KIF13A: variants seen among roughly 807,000 people sequenced by gnomAD.
KIF13A encodes the protein kinesin family member 13A.
In KIF13A, 79 loss-of-function variants were observed where a neutral mutation model predicts 212.2. The ratio of observed to expected loss-of-function variants is 0.37; its 90% CI spans 0.31 to 0.45. KIF13A has a LOEUF of 0.45. Among genes scored for constraint, KIF13A ranks in the 20% least tolerant of loss-of-function variants. The pLI is 1.00. For synonymous variants in KIF13A, 789 were observed against 808.6 expected, an observed-to-expected ratio of 0.98 and a Z score of 0.41; for missense variants, 1,901 against 2,209.0, an observed-to-expected ratio of 0.86 and a Z score of 2.79.
intron 7 of KIF13A, among the ~76,000 whole-genome samples, chr6:17,851,506 T>C (rs965205250): frequency 6.6e-6 from 1 of 151,614 alleles, no homozygotes; most frequent in African/African-American, 2.4e-5. Context: ...AGTCAAAGAG[T>C]AAATAAAGTA....
intron 2 of KIF13A, among the ~76,000 whole-genome samples, chr6:17,950,184 C>T (rs1293222363): frequency 6.6e-6 from 1 of 151,806 alleles, no homozygotes; most frequent in Non-Finnish European, 1.5e-5. Flanking sequence ...ATGTAAATTA[C>T]ATCTGGCAGA....
Position 17,771,005 on chromosome 6 carries a change from A to G in KIF13A, c.4581+109T>C. The stretch of plus-strand genomic sequence containing the variant: ...TGGTCACATTTTTATTTTCTTTAAG[A>G]CAAAGACCCAATACATGTCTTAATT... On this transcript the variant is annotated intron_variant, in intron 38 of 38. Transcript: ENST00000259711. The surrounding 1 kb of genome is among the most constrained non-coding windows in gnomAD (Gnocchi z 5.4). 1.4e-6 allele frequency: 1 copy of G among 720,476 alleles called. No homozygotes were observed. The highest frequency in any genetic ancestry group is 2.3e-6 in the Non-Finnish European group (1 of 430,816). 44.6% of individuals were successfully genotyped at this position (720,476 alleles called of 1,614,324 possible).
chr6:17,786,578 C>T lies in KIF13A; in HGVS notation c.3362-937G>A, dbSNP rs952746126. Among the ~76,000 whole-genome samples, 32 of 151,734 alleles carry T rather than the reference C, an allele frequency of 2.1e-4. No homozygotes were observed. Among genetic ancestry groups the T allele is most frequent in the African/African-American group, 6.5e-4 (27 of 41,334 alleles). Reference sequence around the variant, plus strand: ...TCATGCCACTGCACTCCAGCCTGGGCGACAGAGGGAGACTCCATCTCAAAA... The same window carrying T: ...TCATGCCACTGCACTCCAGCCTGGGTGACAGAGGGAGACTCCATCTCAAAA... On this transcript the variant is annotated intron_variant, in intron 27 of 38. Transcript: ENST00000259711. The surrounding 1 kb of genome is among the most constrained non-coding windows in gnomAD (Gnocchi z 5.4).
At chr6:17,859,184 A>C (rs1474774715) in intron 4 of KIF13A, among the ~76,000 whole-genome samples, 1 of 152,196 alleles carries the variant, frequency 6.6e-6, no homozygotes, top group East Asian at 1.9e-4. Flanking sequence ...TGGAAAAACA[A>C]GGATGACTGC....
In KIF13A at chr6:17,968,297, G is replaced by A. The variant is rs1371465265; in HGVS notation, c.146+18757C>T. ...CCAGATTCACAGGCAATGGACTCCA[G>A]GTGGAGCTGGAGGAAGAGGCCCTGG... On this transcript the variant is annotated intron_variant, in intron 2 of 38. Coordinates refer to ENST00000259711, the MANE Select transcript of KIF13A (RefSeq NM_022113.6). This position sits in a 1 kb window ranked among gnomAD's most constrained non-coding sequence, Gnocchi z 4.7. Among the ~76,000 whole-genome samples, 1 of 152,206 alleles carries A rather than the reference G, an allele frequency of 6.6e-6. No individual in the cohort carries two copies. The highest frequency in any genetic ancestry group is 2.4e-5 in the African/African-American group (1 of 41,442).
In KIF13A at chr6:17,811,437, C is replaced by T. The variant is rs114963516; in HGVS notation, c.2001-2507G>A. Among the ~76,000 whole-genome samples the T allele has an allele frequency of 1.2e-3, 189 of 152,332 alleles. No individual in the cohort carries two copies. Among genetic ancestry groups the T allele is most frequent in the African/African-American group, 3.8e-3 (160 of 41,578 alleles). On this transcript the variant is annotated intron_variant, in intron 17 of 38. Transcript: ENST00000259711. The surrounding 1 kb of genome is among the most constrained non-coding windows in gnomAD (Gnocchi z 6.0). ...AATAACTATTAATATATAATCCTAACGTTTCCTATTGTTGAATGAAACTGT... is the reference window on the plus strand; with the variant it reads ...AATAACTATTAATATATAATCCTAATGTTTCCTATTGTTGAATGAAACTGT...
intron 17 of KIF13A, chr6:17,812,508 A>G (rs1291358360): frequency 6.6e-6 from 1 of 152,150 alleles, no homozygotes; most frequent in African/African-American, 2.4e-5. Context: ...AAAGGACACG[A>G]TCTTGTTGTT....
intron 4 of KIF13A, among the ~76,000 whole-genome samples, chr6:17,861,762 C>G (rs1389858402): frequency 1.3e-5 from 2 of 152,144 alleles, no homozygotes; most frequent in African/African-American, 4.8e-5. Flanking sequence ...ATTTTAAAAT[C>G]CTCATTACAT....
At chr6:17,842,240 G>A (rs1478612487) in intron 9 of KIF13A, among the ~76,000 whole-genome samples, 1 of 151,716 alleles carries the variant, frequency 6.6e-6, no homozygotes, top group Admixed American at 6.6e-5. Flanking sequence ...TTGTAGAGAT[G>A]GGGTCTGGCT....
At position 17,776,889 on chromosome 6, in the gene KIF13A, T is replaced by C. The variant is rs1405442981; in HGVS notation, c.4170+388A>G. 6.6e-6 allele frequency among the ~76,000 whole-genome samples: 1 copy of C among 152,156 alleles called. No homozygotes were observed. Among genetic ancestry groups the C allele is most frequent in the African/African-American group, 2.4e-5 (1 of 41,440 alleles). On this transcript the variant is annotated intron_variant, in intron 34 of 38. Coordinates refer to ENST00000259711, the MANE Select transcript of KIF13A (RefSeq NM_022113.6). The surrounding 1 kb of genome is among the most constrained non-coding windows in gnomAD (Gnocchi z 4.6). Reference sequence around the variant, plus strand: ...CCTACATGCAGTGGCTGACTCCTTATCACACTGATGGTGGCAGACTCAGAG... The same window carrying C: ...CCTACATGCAGTGGCTGACTCCTTACCACACTGATGGTGGCAGACTCAGAG...
intron 31 of KIF13A, among the ~76,000 whole-genome samples, 164 bp from the exon 32 acceptor site, chr6:17,779,848 C>G (rs1258157129): frequency 6.6e-6 from 1 of 150,408 alleles, no homozygotes; most frequent in South Asian, 2.1e-4. Context: ...TCACACCATT[C>G]TCTTGCCTCA....
intron 16 of KIF13A, among the ~76,000 whole-genome samples, chr6:17,823,691 C>T (rs1007167537): frequency 6.6e-6 from 1 of 151,412 alleles, no homozygotes; most frequent in Admixed American, 6.6e-5. Context: ...TGGTCTCGAA[C>T]TCCCGGCCTC....
In KIF13A at chr6:17,794,690, G is replaced by A. The variant is rs768564251; in HGVS notation, c.2957C>T (p.Thr986Met). The change falls in exon 24 of 39, where the codon ACG (threonine) becomes ATG (methionine). Residue 986 changes from threonine to methionine, a missense_variant. Thr to Met is a moderately conservative substitution (Grantham distance 81). This residue lies in a region of KIF13A where 168 missense variants were observed against 250.9 expected (regional missense o/e 0.67). Transcript: ENST00000259711. The surrounding 1 kb of genome is among the most constrained non-coding windows in gnomAD (Gnocchi z 4.1). ...RTLHDRWNEV[T>M]RRIEMWISIL... ...GGAGATCCACATTTCTATTCTTCGC[G>A]TTACTTCATTCCACCTGCAGAAACA... 77 of 1,609,696 alleles carry A rather than the reference G, an allele frequency of 4.8e-5. No homozygotes were observed. The highest frequency in any genetic ancestry group is 6.0e-5 in the Non-Finnish European group (71 of 1,179,028).
At chr6:17,928,357 G>A (rs1396185853) in intron 2 of KIF13A, among the ~76,000 whole-genome samples, 3 of 152,170 alleles carry the variant, frequency 2.0e-5, no homozygotes, top group Non-Finnish European at 4.4e-5. Context: ...CACACCAGTT[G>A]GAATCAGTAA....
In KIF13A at chr6:17,772,024, T is replaced by C. The variant is rs1475583862; in HGVS notation, c.4360A>G (p.Ser1454Gly). 24 of 1,613,840 alleles carry C rather than the reference T, an allele frequency of 1.5e-5. No individual in the cohort carries two copies. The highest frequency in any genetic ancestry group is 1.9e-5 in the Non-Finnish European group (23 of 1,179,864). The change falls in exon 37 of 39, where the codon AGC (serine) becomes GGC (glycine). Residue 1454 changes from serine (S) to glycine (G), a missense_variant. Ser to Gly is a moderately conservative substitution (Grantham distance 56). Coordinates refer to ENST00000259711, the MANE Select transcript of KIF13A (RefSeq NM_022113.6). The surrounding 1 kb of genome is among the most constrained non-coding windows in gnomAD (Gnocchi z 4.8). Reference protein sequence around the residue: ...TSETPHALTVSPFKAFSPQPP... With the variant: ...TSETPHALTVGPFKAFSPQPP... Reference sequence around the variant, plus strand: ...TGAGGAGAGAATGCTTTAAAAGGGCTGACGGTTAAGGCATGAGGAGTCTCT... The same window carrying C: ...TGAGGAGAGAATGCTTTAAAAGGGCCGACGGTTAAGGCATGAGGAGTCTCT...
At chr6:17,846,775 C>G (rs943201322) in intron 9 of KIF13A, among the ~76,000 whole-genome samples, 2 of 152,108 alleles carry the variant, frequency 1.3e-5, no homozygotes, top group African/African-American at 4.8e-5. Context: ...AACTCACATC[C>G]AAAATTAAGG....
Position 17,777,451 on chromosome 6 carries a change from T to G in KIF13A, c.4093-97A>C. On this transcript the variant is annotated intron_variant, in intron 33 of 38. Transcript: ENST00000259711. The surrounding 1 kb of genome is among the most constrained non-coding windows in gnomAD (Gnocchi z 4.4). The stretch of plus-strand genomic sequence containing the variant: ...CAGGCTGGAGTGTAGTGATGCGATC[T>G]CTGCTCACTGCAACCTCTGCCTCCT... 1.0e-6 allele frequency: 1 copy of G among 988,170 alleles called. No individual in the cohort carries two copies. Among genetic ancestry groups the G allele is most frequent in the South Asian group, 1.4e-5 (1 of 72,190 alleles). The allele number at this position is 988,170 out of a possible 1,614,324, so 61.2% of individuals were successfully genotyped here.
rs1020978493 is a variant in KIF13A at position 17,871,196 on chromosome 6, T to C, written c.220+2181A>G. Among the ~76,000 whole-genome samples, 1 of 152,190 alleles carries C rather than the reference T, an allele frequency of 6.6e-6. No homozygotes were observed. Among genetic ancestry groups the C allele is most frequent in the Non-Finnish European group, 1.5e-5 (1 of 68,034 alleles). On this transcript the variant is annotated intron_variant, in intron 4 of 38. Coordinates refer to ENST00000259711, the MANE Select transcript of KIF13A (RefSeq NM_022113.6). The surrounding 1 kb of genome is among the most constrained non-coding windows in gnomAD (Gnocchi z 4.4). ...GTATACAACATGATGTTCTGATATATGTATCCCTTGTGGAATGGCTGAATC... is the reference window on the plus strand; with the variant it reads ...GTATACAACATGATGTTCTGATATACGTATCCCTTGTGGAATGGCTGAATC...
chr6:17,877,269 G>A (rs976009643), intron 3 of KIF13A, among the ~76,000 whole-genome samples: 4 of 151,642 alleles, frequency 2.6e-5, no homozygotes, highest in African/African-American at 9.7e-5. Flanking sequence ...TCATCAACCC[G>A]AGATCCAAAT....
Sources: allele counts gnomAD v4.1 joint callset (sites outside exome capture counted in the v4.1 genomes callset), GRCh38; gene constraint gnomAD v4.1.1; regional missense constraint gnomAD v4.1.1; non-coding constraint Gnocchi (gnomAD v3.1); transcripts MANE v1.5; gene names NCBI Gene and HGNC (gene_info 2026-07-23, HGNC 2026-07-21).